Variants in BRSK2 observed in about 807,000 individuals in gnomAD.
BRSK2 encodes BR serine/threonine kinase 2, also known as serine/threonine-protein kinase BRSK2.
Under a neutral mutation model 83.3 loss-of-function variants are expected in BRSK2, and 19 were observed. The observed-to-expected ratio is 0.23, with a 90% confidence interval of 0.16 to 0.33. The LOEUF is 0.33. BRSK2 is among the 10% of genes least tolerant of loss of function. The pLI is 1.00. For missense variants in BRSK2, 798 were observed against 1,042.3 expected (o/e 0.77, Z 3.23); for synonymous variants, 519 against 435.4 (o/e 1.19, Z -2.39).
intron 10 of BRSK2, 35 bp from the exon 11 acceptor site, chr11:1,445,536 G>A: frequency 1.3e-6 from 2 of 1,597,638 alleles, no homozygotes; most frequent in African/African-American, 1.3e-5. Flanking sequence ...GCGGCCCCGT[G>A]TGCCAGCGCG....
chr11:1,460,460 C>CTTTTTTTTTTTTT lies in BRSK2; in HGVS notation c.1988-40_1988-39insTTTTTTTTTTTTT, dbSNP rs781049550. 29 of 1,122,750 alleles carry CTTTTTTTTTTTTT rather than the reference C, an allele frequency of 2.6e-5. 2 individuals are homozygous for CTTTTTTTTTTTTT. The highest frequency in any genetic ancestry group is 1.1e-4 in the South Asian group (4 of 36,468). 69.5% of individuals were successfully genotyped at this position (1,122,750 alleles called of 1,614,324 possible). ...TCTCTCCCCCTTTTTTTTCTTTTTT[C>CTTTTTTTTTTTTT]CTTTTTTTTTTTTTTTTTGTCTCTG... is the stretch of plus-strand genomic sequence containing the variant. On this transcript the variant is annotated intron_variant, in intron 19 of 19. Coordinates refer to ENST00000528841, the MANE Select transcript of BRSK2 (RefSeq NM_001256627.2).
rs748594392 is a variant in BRSK2, at chr11:1,406,773, TG to T, written c.91+16402del. Among the ~76,000 whole-genome samples the T allele has an allele frequency of 1.3e-3, 193 of 152,190 alleles. 1 individual carries two copies. The highest frequency in any genetic ancestry group is 1.8e-3 in the Non-Finnish European group (122 of 67,982). ...CTGGGCCACATCCCAGGGCCTGTGGTGGGGCTGGCAGGGTGTCAGCCTGCAG... is the reference window on the plus strand; with the variant it reads ...CTGGGCCACATCCCAGGGCCTGTGGTGGGCTGGCAGGGTGTCAGCCTGCAG... On this transcript the variant is annotated intron_variant, in intron 1 of 19. Transcript: ENST00000528841.
rs1034071330 is a variant in BRSK2 at position 1,423,563 on chromosome 11, C to T, written c.92-12477C>T. Among the ~76,000 whole-genome samples, 9 of 152,136 alleles carry T rather than the reference C, an allele frequency of 5.9e-5. No individual in the cohort carries two copies. Among genetic ancestry groups the T allele is most frequent in the Non-Finnish European group, 1.0e-4 (7 of 68,010 alleles). On this transcript the variant is annotated intron_variant, in intron 1 of 19. Transcript: ENST00000528841. This position sits in a 1 kb window ranked among gnomAD's most constrained non-coding sequence, Gnocchi z 6.5. The stretch of plus-strand genomic sequence containing the variant: ...CGAGCTCCCTGGGGCTCCTCAGACC[C>T]GGTCACCGAACAGCAGAGACGTGCT...
In BRSK2 at chr11:1,443,158, G is replaced by A. The variant is rs367711246; in HGVS notation, c.564+19G>A. Reference sequence around the variant, plus strand: ...GATCCGGGTGAGTCAGCGCCGCCGCGTGCAGCTCTGTGGGGCCCAGGGTGG... The same window carrying A: ...GATCCGGGTGAGTCAGCGCCGCCGCATGCAGCTCTGTGGGGCCCAGGGTGG... On this transcript the variant is annotated intron_variant, in intron 6 of 19. Coordinates refer to ENST00000528841, the MANE Select transcript of BRSK2 (RefSeq NM_001256627.2). The A allele has an allele frequency of 1.3e-3, 1,938 of 1,537,240 alleles. 25 individuals are homozygous for A. The African/African-American group carries it at 0.023, about 18-fold the overall frequency.
intron 19 of BRSK2, among the ~76,000 whole-genome samples, chr11:1,460,258 C>T (rs1847255033): frequency 6.6e-6 from 1 of 152,150 alleles, no homozygotes; most frequent in African/African-American, 2.4e-5. Flanking sequence ...GCTTCCCCAC[C>T]GCACAGCCCC....
intron 4 of BRSK2, 27 bp from the exon 5 acceptor site, chr11:1,442,463 G>A (rs750938843): frequency 1.3e-6 from 2 of 1,585,334 alleles, no homozygotes; most frequent in South Asian, 2.2e-5. Context: ...GACTGGCCCT[G>A]TTCAGCCTCA....
chr11:1,455,802 G>C (rs1443127465), intron 16 of BRSK2, among the ~76,000 whole-genome samples: 1 of 152,032 alleles, frequency 6.6e-6, no homozygotes, highest in Non-Finnish European at 1.5e-5. Flanking sequence ...GGCCCTGTGC[G>C]CTGGGTGGCC....
rs1846252975 is a variant in BRSK2, at chr11:1,454,666, C to T, written c.1668+58C>T. 2.5e-6 allele frequency: 4 copies of T among 1,595,288 alleles called. No homozygotes were observed. Among genetic ancestry groups the T allele is most frequent in the African/African-American group, 2.7e-5 (2 of 74,648 alleles). On this transcript the variant is annotated intron_variant, in intron 16 of 19. Coordinates refer to ENST00000528841, the MANE Select transcript of BRSK2 (RefSeq NM_001256627.2). The surrounding 1 kb of genome is among the most constrained non-coding windows in gnomAD (Gnocchi z 5.2). ...GCCCTCCCAACCCCACACGGCCCAGCCCCGAGAATCCAGCCTCCTCACGTA... is the reference window on the plus strand; with the variant it reads ...GCCCTCCCAACCCCACACGGCCCAGTCCCGAGAATCCAGCCTCCTCACGTA...
At chr11:1,410,486 G>A in intron 1 of BRSK2, 2 of 985,552 alleles carry the variant, frequency 2.0e-6, no homozygotes, top group Non-Finnish European at 2.4e-6. Flanking sequence ...ATGCTGCTGT[G>A]TGCGATGGGT....
rs1850130293 is a variant in BRSK2, at chr11:1,435,232, A to AGCGGAGGAGGGGTGCCGGTGGATGTCTCG, written c.92-787_92-786insATGTCTCGGCGGAGGAGGGGTGCCGGTGG. 8.2e-5 allele frequency among the ~76,000 whole-genome samples: 6 copies of AGCGGAGGAGGGGTGCCGGTGGATGTCTCG among 73,188 alleles called. No homozygotes were observed. In the South Asian group the frequency reaches 1.7e-3, roughly 21 times the overall value. 48.0% of individuals were successfully genotyped at this position (73,188 alleles called of 152,430 possible). ...GAGGAGGGGTGCCGGTGGGGGTCTC[A>AGCGGAGGAGGGGTGCCGGTGGATGTCTCG]GCGGAGGAGGGGTGCCGGTGGGGGT... On this transcript the variant is annotated intron_variant, in intron 1 of 19. Transcript: ENST00000528841.
chr11:1,454,575 C>T lies in BRSK2; in HGVS notation c.1635C>T (p.Ser545=), dbSNP rs756242381. Residue 545 remains serine, a synonymous_variant, in exon 16 of 20, where the codon TCC becomes TCT. Coordinates refer to ENST00000528841, the MANE Select transcript of BRSK2 (RefSeq NM_001256627.2). This position sits in a 1 kb window ranked among gnomAD's most constrained non-coding sequence, Gnocchi z 5.2. ...TCATCAAAGACAAACCTCTGAGCTCCATCAAGGCTGACATCGTGCACGCCT... is the reference window on the plus strand; with the variant it reads ...TCATCAAAGACAAACCTCTGAGCTCTATCAAGGCTGACATCGTGCACGCCT... ...FVVIKDKPLS[S]IKADIVHAFL... 6 of 1,613,260 alleles carry T rather than the reference C, an allele frequency of 3.7e-6. No homozygotes were observed. The Admixed American group carries it at 5.0e-5, about 13-fold the overall frequency.
intron 16 of BRSK2, among the ~76,000 whole-genome samples, chr11:1,455,368 C>T (rs1846377200): frequency 6.8e-6 from 1 of 146,190 alleles, no homozygotes; most frequent in East Asian, 2.1e-4. Flanking sequence ...CTGCCCTGTG[C>T]TCACCACTGC....
chr11:1,443,184 C>T lies in BRSK2; in HGVS notation c.564+45C>T, dbSNP rs775907276. 61 of 1,532,422 alleles carry T rather than the reference C, an allele frequency of 4.0e-5. 1 individual carries two copies. The highest frequency in any genetic ancestry group is 2.3e-4 in the South Asian group (19 of 82,978). 94.9% of individuals were successfully genotyped at this position (1,532,422 alleles called of 1,614,324 possible). The stretch of plus-strand genomic sequence containing the variant: ...TGCAGCTCTGTGGGGCCCAGGGTGG[C>T]GGGGACCTGACCCTGGTGGGACCCC... On this transcript the variant is annotated intron_variant, in intron 6 of 19. Coordinates refer to ENST00000528841, the MANE Select transcript of BRSK2 (RefSeq NM_001256627.2).
chr11:1,460,037 C>A (rs1847214457), intron 19 of BRSK2, among the ~76,000 whole-genome samples: 1 of 148,576 alleles, frequency 6.7e-6, no homozygotes, highest in Non-Finnish European at 1.5e-5. Context: ...CTTGTCTTTA[C>A]GCTGTCATCT....
chr11:1,413,023 G>A (rs1250786945), intron 1 of BRSK2, among the ~76,000 whole-genome samples: 1 of 152,194 alleles, frequency 6.6e-6, no homozygotes, highest in Non-Finnish European at 1.5e-5. Context: ...CCCAGGCCCT[G>A]GCCTCCTTCT....
At chr11:1,407,604 C>G (rs1199506634) in intron 1 of BRSK2, among the ~76,000 whole-genome samples, 2 of 152,198 alleles carry the variant, frequency 1.3e-5, no homozygotes, top group African/African-American at 4.8e-5. Context: ...TGCAGGGGTT[C>G]TAGACCCTCT....
intron 16 of BRSK2, among the ~76,000 whole-genome samples, chr11:1,455,989 A>G (rs1846478641): frequency 6.7e-6 from 1 of 149,870 alleles, no homozygotes; most frequent in Non-Finnish European, 1.5e-5. Flanking sequence ...CCCACCTCCC[A>G]CTCAGCTCCA....
intron 9 of BRSK2, 129 bp downstream of exon 9, chr11:1,445,131 TGCGCTGG>T (rs1411965915): frequency 1.4e-6 from 2 of 1,477,838 alleles, no homozygotes; most frequent in African/African-American, 2.8e-5. Flanking sequence ...CTCCGTGGCC[TGCGCTGG>T]GTGCGGGGTG....
intron 1 of BRSK2, among the ~76,000 whole-genome samples, chr11:1,412,654 C>T (rs973857119): frequency 1.3e-5 from 2 of 152,182 alleles, no homozygotes; most frequent in Non-Finnish European, 2.9e-5. Flanking sequence ...AGGGGCCCAG[C>T]AGAGCTGAGG....
Sources: allele counts gnomAD v4.1 joint callset (sites outside exome capture counted in the v4.1 genomes callset), GRCh38; gene constraint gnomAD v4.1.1; non-coding constraint Gnocchi (gnomAD v3.1); transcripts MANE v1.5; gene names NCBI Gene and HGNC (gene_info 2026-07-23, HGNC 2026-07-21).